Variants in DNAJC18 observed in about 807,000 individuals in gnomAD.
DNAJC18 encodes dnaJ homolog subfamily C member 18.
DNAJC18 carries 40 observed loss-of-function variants against 48.6 expected under a neutral mutation model. That is an observed-to-expected ratio of 0.82 (90% CI 0.64 to 1.07). DNAJC18 has a LOEUF of 1.07. Ranked by LOEUF, DNAJC18 falls within the 50% of genes least tolerant of loss-of-function variation. The pLI is 0.00. For missense variants in DNAJC18, 340 were observed against 427.7 expected (o/e 0.79, Z 1.81); for synonymous variants, 135 against 152.2 (o/e 0.89, Z 0.83).
At chr5:139,421,846 G>A (rs1308113679) in intron 6 of DNAJC18, among the ~76,000 whole-genome samples, 3 of 152,052 alleles carry the variant, frequency 2.0e-5, no homozygotes, top group African/African-American at 7.2e-5. Context: ...TACTGACCTG[G>A]ATTGACCTGG....
rs1758975787 is a variant in DNAJC18 at position 139,410,274 on chromosome 5, T to TG, written c.*3873dup. On this transcript the variant is annotated 3_prime_UTR_variant, in exon 8 of 8. Transcript: ENST00000302060. Reference sequence around the variant, plus strand: ...CTCAATCCAGATGTAGTGGATGAGGTGGCCAGATTTTTTCAAGATTCTTAG... The same window carrying TG: ...CTCAATCCAGATGTAGTGGATGAGGTGGGCCAGATTTTTTCAAGATTCTTAG... 1 of 152,218 alleles carries TG rather than the reference T, an allele frequency of 6.6e-6. No individual in the cohort carries two copies. Among genetic ancestry groups the TG allele is most frequent in the African/African-American group, 2.4e-5 (1 of 41,458 alleles). The allele number at this position is 152,218 out of a possible 1,614,324, so 9.4% of individuals were successfully genotyped here.
At position 139,430,324 on chromosome 5, in the gene DNAJC18, A is replaced by C. The variant is rs552466042; in HGVS notation, c.228-1641T>G. Among the ~76,000 whole-genome samples the C allele has an allele frequency of 6.6e-4, 100 of 152,376 alleles. 1 individual carries two copies. In the Middle Eastern group the frequency reaches 0.027, roughly 41 times the overall value. ...ATTATGACTACAGTTTTAAACTTGCAGACCTATCCCCTAAAAGGGTCTTGG... is the reference window on the plus strand; with the variant it reads ...ATTATGACTACAGTTTTAAACTTGCCGACCTATCCCCTAAAAGGGTCTTGG... On this transcript the variant is annotated intron_variant, in intron 2 of 7. Coordinates refer to ENST00000302060, the MANE Select transcript of DNAJC18 (RefSeq NM_152686.4).
At position 139,437,356 on chromosome 5, in the gene DNAJC18, C is replaced by G. The variant is rs760662488; in HGVS notation, c.227+16G>C. 2 of 1,585,860 alleles carry G rather than the reference C, an allele frequency of 1.3e-6. No homozygotes were observed. Among genetic ancestry groups the G allele is most frequent in the Non-Finnish European group, 1.7e-6 (2 of 1,167,294 alleles). On this transcript the variant is annotated intron_variant, in intron 2 of 7. Transcript: ENST00000302060. The stretch of plus-strand genomic sequence containing the variant: ...CTTTCCATAAAATCACTCATTTAAT[C>G]TCACCACATGCTCACCTTTGTACCC...
chr5:139,425,677 C>T (rs1484214834), intron 4 of DNAJC18, among the ~76,000 whole-genome samples: 1 of 152,108 alleles, frequency 6.6e-6, no homozygotes, highest in Non-Finnish European at 1.5e-5. Flanking sequence ...GCATTAGGGC[C>T]GTGAATCCTA....
chr5:139,434,927 T>C (rs1191642370), intron 2 of DNAJC18, among the ~76,000 whole-genome samples: 5 of 152,200 alleles, frequency 3.3e-5, no homozygotes, highest in Non-Finnish European at 5.9e-5. Context: ...TGAACAGACA[T>C]ACTTGTCTTG....
intron 2 of DNAJC18, among the ~76,000 whole-genome samples, chr5:139,429,967 C>A (rs1001722211): frequency 6.6e-6 from 1 of 152,080 alleles, no homozygotes; most frequent in Non-Finnish European, 1.5e-5. Flanking sequence ...GAGATCAATC[C>A]TTAACATATA....
rs1024122194 is a variant in DNAJC18 at position 139,430,576 on chromosome 5, A to G, written c.228-1893T>C. The stretch of plus-strand genomic sequence containing the variant: ...CTAAATAAATATTACCTAGTACTAT[A>G]TATCTACCTCTTTTTTTTTTTTTTG... On this transcript the variant is annotated intron_variant, in intron 2 of 7. Coordinates refer to ENST00000302060, the MANE Select transcript of DNAJC18 (RefSeq NM_152686.4). Among the ~76,000 whole-genome samples the G allele has an allele frequency of 6.9e-5, 10 of 145,858 alleles. No individual in the cohort carries two copies. In the South Asian group the frequency reaches 2.2e-3, roughly 32 times the overall value.
At chr5:139,436,265 T>G (rs1451442089) in intron 2 of DNAJC18, among the ~76,000 whole-genome samples, 1 of 151,012 alleles carries the variant, frequency 6.6e-6, no homozygotes, top group Non-Finnish European at 1.5e-5. Flanking sequence ...TTTTTTTCTT[T>G]TTTTAGAGAT....
At chr5:139,432,133 G>A (rs1759339063) in intron 2 of DNAJC18, among the ~76,000 whole-genome samples, 2 of 150,020 alleles carry the variant, frequency 1.3e-5, no homozygotes, top group South Asian at 4.2e-4. Flanking sequence ...GTTTTTAAAT[G>A]TTTTCTCCCA....
intron 2 of DNAJC18, among the ~76,000 whole-genome samples, chr5:139,432,323 C>T (rs983457625): frequency 1.3e-5 from 2 of 152,092 alleles, no homozygotes; most frequent in South Asian, 4.1e-4. Context: ...TGCCACCACA[C>T]CCAGCTAATT....
rs1237486302 is a variant in DNAJC18 at position 139,414,239 on chromosome 5, C to G, written c.986G>C (p.Arg329Thr). ...SELTNLAGLYRDERLKQKAES... is the reference protein window; with the variant it reads ...SELTNLAGLYTDERLKQKAES... Reference sequence around the variant, plus strand: ...TGCTTTCTGTTTCAATCGTTCATCTCTGTATAATCCTGCCAAATTTGTCAG... The same window carrying G: ...TGCTTTCTGTTTCAATCGTTCATCTGTGTATAATCCTGCCAAATTTGTCAG... The change falls in exon 8 of 8, where the codon AGA (arginine) becomes ACA (threonine). Residue 329 changes from arginine to threonine, a missense_variant. Coordinates refer to ENST00000302060, the MANE Select transcript of DNAJC18 (RefSeq NM_152686.4). 1 of 1,613,790 alleles carries G rather than the reference C, an allele frequency of 6.2e-7. No individual in the cohort carries two copies. The highest frequency in any genetic ancestry group is 1.1e-5 in the South Asian group (1 of 90,936).
At chr5:139,426,894 A>G (rs939472291) in intron 3 of DNAJC18, among the ~76,000 whole-genome samples, 1 of 152,178 alleles carries the variant, frequency 6.6e-6, no homozygotes, top group Non-Finnish European at 1.5e-5. Context: ...CTTTAAAAAA[A>G]ATTTTTTTAG....
chr5:139,431,095 C>T (rs910119562), intron 2 of DNAJC18, among the ~76,000 whole-genome samples: 3 of 152,126 alleles, frequency 2.0e-5, no homozygotes, highest in Admixed American at 2.0e-4. Flanking sequence ...TCCACATGAG[C>T]TGCCCATGGG....
chr5:139,418,188 TGA>T (rs1759098065), intron 7 of DNAJC18, among the ~76,000 whole-genome samples: 1 of 152,168 alleles, frequency 6.6e-6, no homozygotes, highest in Admixed American at 6.5e-5. Context: ...GCCTTTTTAT[TGA>T]GACAGGATCT....
intron 2 of DNAJC18, among the ~76,000 whole-genome samples, chr5:139,436,751 G>A (rs1476719821): frequency 4.0e-5 from 6 of 151,742 alleles, no homozygotes; most frequent in Admixed American, 1.3e-4. Context: ...GGTAGATTAG[G>A]TTACTGATTT....
At chr5:139,434,239 CAT>C (rs1213556278) in intron 2 of DNAJC18, among the ~76,000 whole-genome samples, 2 of 152,144 alleles carry the variant, frequency 1.3e-5, no homozygotes, top group African/African-American at 4.8e-5. Context: ...TTAAAATTGA[CAT>C]ATAAAAATCC....
At position 139,411,259 on chromosome 5, in the gene DNAJC18, A is replaced by G. The variant is rs995316291; in HGVS notation, c.*2889T>C. 1 of 152,072 alleles carries G rather than the reference A, an allele frequency of 6.6e-6. No homozygotes were observed. The highest frequency in any genetic ancestry group is 2.4e-5 in the African/African-American group (1 of 41,396). The allele number at this position is 152,072 out of a possible 1,614,324, so 9.4% of individuals were successfully genotyped here. On this transcript the variant is annotated 3_prime_UTR_variant, in exon 8 of 8. Transcript: ENST00000302060. ...CTTCAAGCTCTTTGTGATGAGAAGGATTTTCATCCTCCTTTTCTCACTGCC... is the reference window on the plus strand; with the variant it reads ...CTTCAAGCTCTTTGTGATGAGAAGGGTTTTCATCCTCCTTTTCTCACTGCC...
intron 2 of DNAJC18, among the ~76,000 whole-genome samples, chr5:139,434,828 C>T (rs867604366): frequency 1.1e-4 from 17 of 152,036 alleles, no homozygotes; most frequent in Middle Eastern, 3.2e-3. Flanking sequence ...TTTTACTCTT[C>T]TTTCCAATTT....
rs1298195152 is a variant in DNAJC18 at position 139,426,083 on chromosome 5, T to C, written c.559+89A>G. The stretch of plus-strand genomic sequence containing the variant: ...ATCCTTGCTGTTTCCATCATACCAT[T>C]GTACCTCTATTCAGATTTTCAAACA... On this transcript the variant is annotated intron_variant, in intron 4 of 7. Transcript: ENST00000302060. 6 of 1,380,548 alleles carry C rather than the reference T, an allele frequency of 4.3e-6. No individual in the cohort carries two copies. In the Admixed American group the frequency reaches 1.0e-4, roughly 23 times the overall value. The allele number at this position is 1,380,548 out of a possible 1,614,324, so 85.5% of individuals were successfully genotyped here.
Sources: allele counts gnomAD v4.1 joint callset (sites outside exome capture counted in the v4.1 genomes callset), GRCh38; gene constraint gnomAD v4.1.1; transcripts MANE v1.5; gene names NCBI Gene and HGNC (gene_info 2026-07-23, HGNC 2026-07-21).